Variants in SIK2 observed in about 807,000 individuals in gnomAD.
The protein encoded by SIK2 is salt inducible kinase 2.
SIK2 carries 29 observed loss-of-function variants against 103.2 expected under a neutral mutation model. The ratio of observed to expected loss-of-function variants is 0.28; its 90% confidence interval spans 0.21 to 0.38. The LOEUF (loss-of-function observed/expected upper bound fraction) is 0.38, where lower values mean the gene tolerates loss of function less well. Among genes scored for constraint, SIK2 ranks in the 10% least tolerant of loss-of-function variants. The pLI is 1.00. For synonymous variants in SIK2, 412 were observed against 446.1 expected (o/e 0.92, Z 0.96); for missense variants, 879 against 1,171.0 (o/e 0.75, Z 3.64).
chr11:111,641,362 T>C (rs1272238560), intron 3 of SIK2, among the ~76,000 whole-genome samples: 1 of 152,224 alleles, frequency 6.6e-6, no homozygotes, highest in Admixed American at 6.5e-5. Flanking sequence ...CATTACCTTC[T>C]TCTCCTCCTA....
chr11:111,657,085 A>G (rs1413339756), intron 3 of SIK2, among the ~76,000 whole-genome samples: 1 of 152,228 alleles, frequency 6.6e-6, no homozygotes, highest in Non-Finnish European at 1.5e-5. Context: ...AATTATTTTG[A>G]ATAAATGAGA....
intron 8 of SIK2, among the ~76,000 whole-genome samples, chr11:111,710,216 C>G (rs1943459735): frequency 6.6e-6 from 1 of 152,050 alleles, no homozygotes; most frequent in South Asian, 2.1e-4. Context: ...ATTTAAAAGC[C>G]TGATATTTGA....
chr11:111,679,755 G>A (rs1221348244), intron 3 of SIK2, among the ~76,000 whole-genome samples: 1 of 152,144 alleles, frequency 6.6e-6, no homozygotes, highest in African/African-American at 2.4e-5. Flanking sequence ...TCCTTTCTCA[G>A]TAATATTCCA....
At position 111,719,333 on chromosome 11, in the gene SIK2, T is replaced by G. The variant is rs1299455089; in HGVS notation, c.1267-442T>G. On this transcript the variant is annotated intron_variant, in intron 9 of 14. Transcript: ENST00000304987. ...TCCATTATGTTTATGGTTGAAAAAA[T>G]AGAAGAATCTTGGTGACTACCCCTT... Among the ~76,000 whole-genome samples, 5 of 127,906 alleles carry G rather than the reference T, an allele frequency of 3.9e-5. No homozygotes were observed. The East Asian group carries it at 1.3e-3, about 34-fold the overall frequency. The allele number at this position is 127,906 out of a possible 152,430, so 83.9% of individuals were successfully genotyped here. A position where few individuals can be genotyped will look rare whatever the true frequency, so the allele number is the denominator to read the frequency against.
intron 1 of SIK2, among the ~76,000 whole-genome samples, chr11:111,610,569 C>T (rs1278570153): frequency 2.4e-5 from 3 of 126,640 alleles, no homozygotes; most frequent in African/African-American, 7.6e-5. Flanking sequence ...TTTTACATTT[C>T]TGCTCTTACA....
chr11:111,726,699 T>C lies in SIK2; in HGVS notation c.*2570T>C. 1 of 476,812 alleles carries C rather than the reference T, an allele frequency of 2.1e-6. No individual in the cohort carries two copies. The highest frequency in any genetic ancestry group is 3.8e-6 in the Non-Finnish European group (1 of 263,058). The allele number at this position is 476,812 out of a possible 1,614,324, so 29.5% of individuals were successfully genotyped here. A position where few individuals can be genotyped will look rare whatever the true frequency, so the allele number is the denominator to read the frequency against. On this transcript the variant is annotated 3_prime_UTR_variant, in exon 15 of 15. Transcript: ENST00000304987. ...ATGGAAGCTTCCAAGCAGTTTTCTC[T>C]TCATCACTACTAACAAACAAAACAC...
intron 3 of SIK2, among the ~76,000 whole-genome samples, chr11:111,663,887 TGAG>T (rs1480494165): frequency 6.6e-6 from 1 of 152,206 alleles, no homozygotes; most frequent in Non-Finnish European, 1.5e-5. Context: ...GTTTTGCATT[TGAG>T]GAGACTAAAG....
At chr11:111,641,726 C>G (rs1485290244) in intron 3 of SIK2, among the ~76,000 whole-genome samples, 1 of 152,170 alleles carries the variant, frequency 6.6e-6, no homozygotes, top group Non-Finnish European at 1.5e-5. Flanking sequence ...TGCCTACCAA[C>G]TTCTTTGGCA....
chr11:111,698,756 G>A (rs113616881), intron 4 of SIK2, among the ~76,000 whole-genome samples: 58 of 152,292 alleles, frequency 3.8e-4, no homozygotes, highest in Non-Finnish European at 6.5e-4. Flanking sequence ...AGTGCTATTT[G>A]GAGAGTATCC....
intron 8 of SIK2, among the ~76,000 whole-genome samples, chr11:111,710,667 A>G (rs1943470414): frequency 6.6e-6 from 1 of 152,348 alleles, no homozygotes; most frequent in South Asian, 2.1e-4. Context: ...TGAGTTAAGG[A>G]CATTGCATGT....
In SIK2 at chr11:111,724,412, G is replaced by A. The variant is rs1009725183; in HGVS notation, c.*283G>A. On this transcript the variant is annotated 3_prime_UTR_variant, in exon 15 of 15. Coordinates refer to ENST00000304987, the MANE Select transcript of SIK2 (RefSeq NM_015191.3). ...GCTCTCGAGGGCAGCACTGACAAATGTGTTCCTAAGAAGACATTCAGACCC... is the reference window on the plus strand; with the variant it reads ...GCTCTCGAGGGCAGCACTGACAAATATGTTCCTAAGAAGACATTCAGACCC... 2.3e-6 allele frequency: 1 copy of A among 444,146 alleles called. No individual in the cohort carries two copies. 27.5% of individuals were successfully genotyped at this position (444,146 alleles called of 1,614,324 possible).
Position 111,705,073 on chromosome 11 carries a change from A to G in SIK2, c.1035A>G (p.Pro345=), listed in dbSNP as rs1258329296. 4 of 1,608,584 alleles carry G rather than the reference A, an allele frequency of 2.5e-6. No individual in the cohort carries two copies. Residue 345 remains proline, a synonymous_variant, in exon 8 of 15, where the codon CCA becomes CCG. Coordinates refer to ENST00000304987, the MANE Select transcript of SIK2 (RefSeq NM_015191.3). This position sits in a 1 kb window ranked among gnomAD's most constrained non-coding sequence, Gnocchi z 4.3. The part of the protein sequence containing the change: ...ERLKSHRSSF[P]VEQRLDGRQR... ...TGAAATCACATCGGAGCAGTTTCCC[A>G]GTGGAGCAGAGACTTGATGGCCGCC...
At chr11:111,697,138 C>T (rs910137625) in intron 4 of SIK2, among the ~76,000 whole-genome samples, 1 of 152,232 alleles carries the variant, frequency 6.6e-6, no homozygotes, top group Non-Finnish European at 1.5e-5. Flanking sequence ...TTCTATTCCA[C>T]TGCTGCAACT....
At chr11:111,654,237 C>G (rs1942363402) in intron 3 of SIK2, among the ~76,000 whole-genome samples, 1 of 152,044 alleles carries the variant, frequency 6.6e-6, no homozygotes, top group African/African-American at 2.4e-5. Context: ...TGGGTGAATC[C>G]TTATGGAAAA....
At chr11:111,680,144 C>T (rs576093457) in intron 3 of SIK2, among the ~76,000 whole-genome samples, 1 of 151,094 alleles carries the variant, frequency 6.6e-6, no homozygotes, top group East Asian at 1.9e-4. Context: ...CAGTGGGGGG[C>T]GTTTCATAGT....
chr11:111,647,745 G>A (rs986297971), intron 3 of SIK2, among the ~76,000 whole-genome samples: 1 of 151,798 alleles, frequency 6.6e-6, no homozygotes, highest in Non-Finnish European at 1.5e-5. Context: ...GCAGGCACCT[G>A]TAGTCCCAGC....
chr11:111,686,597 TTA>T (rs2135892224), intron 3 of SIK2, among the ~76,000 whole-genome samples: 1 of 152,240 alleles, frequency 6.6e-6, no homozygotes, highest in South Asian at 2.1e-4. Flanking sequence ...GTTAGGACAA[TTA>T]TGTTAAATTT....
At position 111,636,684 on chromosome 11, in the gene SIK2, A is replaced by G. The variant is rs377100686; in HGVS notation, c.316+16282A>G. Among the ~76,000 whole-genome samples, 3 of 152,352 alleles carry G rather than the reference A, an allele frequency of 2.0e-5. No individual in the cohort carries two copies. In the South Asian group the frequency reaches 6.2e-4, roughly 32 times the overall value. On this transcript the variant is annotated intron_variant, in intron 3 of 14. Transcript: ENST00000304987. Reference sequence around the variant, plus strand: ...TTCAGCAAAAACCTGAAGAAAGGATACATAAATATTGTGAGATCTTACACG... The same window carrying G: ...TTCAGCAAAAACCTGAAGAAAGGATGCATAAATATTGTGAGATCTTACACG...
At chr11:111,670,150 C>T (rs1657131880) in intron 3 of SIK2, among the ~76,000 whole-genome samples, 1 of 152,194 alleles carries the variant, frequency 6.6e-6, no homozygotes, top group Non-Finnish European at 1.5e-5. Flanking sequence ...CATTTCATCT[C>T]TCAAACGGTG....
Sources: gnomAD v4.1 joint callset for allele counts (sites outside exome capture counted in the v4.1 genomes callset) on GRCh38, gnomAD v4.1.1 for gene constraint, Gnocchi (gnomAD v3.1) non-coding constraint, MANE v1.5 for transcripts, NCBI Gene and HGNC (gene_info 2026-07-23, HGNC 2026-07-21) for gene names.